Variants in FRA10AC1 observed in about 807,000 individuals in gnomAD.
FRA10AC1 encodes protein FRA10AC1.
In FRA10AC1, 43 loss-of-function variants were observed where a neutral mutation model predicts 56.5. The ratio of observed to expected loss-of-function variants is 0.76; its 90% CI spans 0.60 to 0.98. The LOEUF is 0.98. Ranked by LOEUF, FRA10AC1 falls within the 50% of genes least tolerant of loss-of-function variation. The pLI, the probability that FRA10AC1 is intolerant of heterozygous loss-of-function variation, is 0.00. For synonymous variants in FRA10AC1, 112 were observed against 110.5 expected (o/e 1.01, Z -0.09); for missense variants, 346 against 351.8 (o/e 0.98, Z 0.13).
chr10:93,697,574 TAA>T (rs2059254416), intron 4 of FRA10AC1, among the ~76,000 whole-genome samples: 1 of 152,168 alleles, frequency 6.6e-6, no homozygotes, highest in Admixed American at 6.5e-5. Context: ...CCAGTCTTAT[TAA>T]AAAACTGAGT....
At chr10:93,691,967 C>A in intron 7 of FRA10AC1, 42 bp downstream of exon 7, 1 of 1,532,446 alleles carries the variant, frequency 6.5e-7, no homozygotes, top group Non-Finnish European at 8.8e-7. Flanking sequence ...TAATATTTTA[C>A]TTGAATAAGA....
chr10:93,694,916 C>G lies in FRA10AC1; in HGVS notation c.241G>C (p.Val81Leu), dbSNP rs146931399. ...MDAYQRHTKF[V>L]NDYILYYGGK... ...CCATAGTATAAAATATAGTCATTTA[C>G]GAACTTTGTATGTCTTTGATACTGA... Residue 81 changes from valine (V) to leucine (L), a missense_variant, in exon 5 of 14, where the codon GTA (valine) becomes CTA (leucine). By Grantham distance (32) the Val-to-Leu change is conservative. Coordinates refer to ENST00000359204, the MANE Select transcript of FRA10AC1 (RefSeq NM_145246.5). 32 of 1,565,316 alleles carry G rather than the reference C, an allele frequency of 2.0e-5. No homozygotes were observed. In the East Asian group the frequency reaches 2.5e-4, roughly 12 times the overall value.
intron 1 of FRA10AC1, among the ~76,000 whole-genome samples, chr10:93,701,629 C>T (rs994362567): frequency 3.3e-5 from 5 of 152,052 alleles, no homozygotes; most frequent in African/African-American, 1.2e-4. Context: ...TTTGAAAGCC[C>T]GAGTTCCAAC....
intron 13 of FRA10AC1, 36 bp downstream of exon 13, chr10:93,670,734 A>G: frequency 7.5e-7 from 1 of 1,326,338 alleles, no homozygotes; most frequent in Non-Finnish European, 1.1e-6. Flanking sequence ...AAACTGATTG[A>G]AAAGGTACAT....
At chr10:93,671,829 T>G in intron 12 of FRA10AC1, 2 of 325,222 alleles carry the variant, frequency 6.1e-6, no homozygotes, top group Non-Finnish European at 1.2e-5. Context: ...ATATTACCTG[T>G]GGGCCTGGAA....
At chr10:93,686,835 T>C (rs1024541744) in intron 8 of FRA10AC1, among the ~76,000 whole-genome samples, 4 of 151,842 alleles carry the variant, frequency 2.6e-5, no homozygotes, top group African/African-American at 9.7e-5. Flanking sequence ...AGATACACAA[T>C]TTCCAGGAAA....
At chr10:93,692,338 T>G (rs568050897) in intron 6 of FRA10AC1, among the ~76,000 whole-genome samples, 2 of 152,160 alleles carry the variant, frequency 1.3e-5, no homozygotes, top group Non-Finnish European at 2.9e-5. Flanking sequence ...TTGTAATGTT[T>G]GGATTTAAAA....
chr10:93,694,778 AG>A (rs1426215359), intron 5 of FRA10AC1, 82 bp downstream of exon 5: 28 of 736,760 alleles, frequency 3.8e-5, no homozygotes, highest in Non-Finnish European at 5.7e-5. Flanking sequence ...GAAGAATGAC[AG>A]AATCAGAAGG....
chr10:93,696,250 T>A (rs894128016), intron 4 of FRA10AC1, among the ~76,000 whole-genome samples: 1 of 152,068 alleles, frequency 6.6e-6, no homozygotes, highest in African/African-American at 2.4e-5. Context: ...ATCCTAGAAT[T>A]GGAGGTAAAG....
rs941295037 is a variant in FRA10AC1 at position 93,692,700 on chromosome 10, A to G, written c.326T>C (p.Ile109Thr). The G allele has an allele frequency of 5.0e-6, 8 of 1,593,984 alleles. No homozygotes were observed. In the African/African-American group the frequency reaches 5.4e-5, roughly 11 times the overall value. Residue 109 changes from isoleucine (I) to threonine (T), a missense_variant, in exon 6 of 14, where the codon ATA (isoleucine) becomes ACA (threonine). By Grantham distance (89) the Ile-to-Thr change is moderately conservative. Coordinates refer to ENST00000359204, the MANE Select transcript of FRA10AC1 (RefSeq NM_145246.5). The part of the protein sequence containing the change: ...GENDKTDLDV[I>T]RENHRFLWNE... ...CCATAGGAATCTATGATTTTCTCGTATAACATCCAAGTCTGTCTTGTCATT... is the reference window on the plus strand; with the variant it reads ...CCATAGGAATCTATGATTTTCTCGTGTAACATCCAAGTCTGTCTTGTCATT...
chr10:93,701,606 T>C (rs940021582), intron 1 of FRA10AC1, among the ~76,000 whole-genome samples: 1 of 152,182 alleles, frequency 6.6e-6, no homozygotes, highest in African/African-American at 2.4e-5. Flanking sequence ...CTAGTTAAGG[T>C]TGGAGATGAA....
At position 93,684,045 on chromosome 10, in the gene FRA10AC1, A is replaced by T. The variant is rs746498394; in HGVS notation, c.668+11T>A. On this transcript the variant is annotated intron_variant, in intron 10 of 13. Coordinates refer to ENST00000359204, the MANE Select transcript of FRA10AC1 (RefSeq NM_145246.5). ...ACTAAACATTAAGAATGGCATTTTAAAAGACATTACCTGTGATGGAAATTT... is the reference window on the plus strand; with the variant it reads ...ACTAAACATTAAGAATGGCATTTTATAAGACATTACCTGTGATGGAAATTT... 1 of 1,568,860 alleles carries T rather than the reference A, an allele frequency of 6.4e-7. No homozygotes were observed. The highest frequency in any genetic ancestry group is 1.7e-5 in the Admixed American group (1 of 59,482).
At chr10:93,693,042 A>AACCACAGAG (rs1442864611) in intron 5 of FRA10AC1, among the ~76,000 whole-genome samples, 7 of 152,196 alleles carry the variant, frequency 4.6e-5, no homozygotes, top group Admixed American at 4.6e-4. Flanking sequence ...AATAAAGTGA[A>AACCACAGAG]TGAAAATAAG....
chr10:93,702,834 C>T (rs750924630), upstream of FRA10AC1, among the ~76,000 whole-genome samples: 23 of 151,972 alleles, frequency 1.5e-4, no homozygotes, highest in Middle Eastern at 3.4e-3. Flanking sequence ...TAGCCCACGC[C>T]TCTCATTTGA....
At position 93,681,500 on chromosome 10, in the gene FRA10AC1, G is replaced by A; in HGVS notation, c.767C>T (p.Ala256Val). Residue 256 changes from alanine to valine, a missense_variant, in exon 11 of 14, where the codon GCC (alanine) becomes GTC (valine). Coordinates refer to ENST00000359204, the MANE Select transcript of FRA10AC1 (RefSeq NM_145246.5). ...KKSRLSSAEE[A>V]SKKKDKGHSS... ...TTTACCTTTATCTTTTTTCTTGGAG[G>A]CCTCTTCTGCAGAAGATAATCTGGA... 6.4e-7 allele frequency: 1 copy of A among 1,570,924 alleles called. No individual in the cohort carries two copies. Among genetic ancestry groups the A allele is most frequent in the Non-Finnish European group, 8.6e-7 (1 of 1,161,852 alleles).
chr10:93,682,230 T>C (rs990046286), intron 10 of FRA10AC1, among the ~76,000 whole-genome samples: 2 of 152,070 alleles, frequency 1.3e-5, no homozygotes, highest in Non-Finnish European at 2.9e-5. Context: ...AAATACTAAA[T>C]GGGAAAAAGT....
intron 10 of FRA10AC1, 95 bp downstream of exon 10, chr10:93,683,961 T>A (rs1415654743): frequency 8.5e-6 from 7 of 827,716 alleles, no homozygotes; most frequent in Non-Finnish European, 1.2e-5. Context: ...AATTCAACCA[T>A]CAACCACCTA....
chr10:93,696,212 TTCC>T (rs1290067636), intron 4 of FRA10AC1, among the ~76,000 whole-genome samples: 1 of 151,956 alleles, frequency 6.6e-6, no homozygotes, highest in African/African-American at 2.4e-5. Context: ...TGATAGCGAG[TTCC>T]CTAGGTTTTC....
chr10:93,694,633 G>C (rs1249149770), intron 5 of FRA10AC1, among the ~76,000 whole-genome samples: 1 of 144,690 alleles, frequency 6.9e-6, no homozygotes, highest in Non-Finnish European at 1.5e-5. Flanking sequence ...AGAATCGCTT[G>C]AACCACAGCG....
Sources: gnomAD v4.1 joint callset for allele counts (sites outside exome capture counted in the v4.1 genomes callset) on GRCh38, gnomAD v4.1.1 for gene constraint, MANE v1.5 for transcripts, NCBI Gene and HGNC (gene_info 2026-07-23, HGNC 2026-07-21) for gene names.